TENM2: variants seen among roughly 807,000 people sequenced by gnomAD.
TENM2 encodes teneurin-2.
A neutral mutation model predicts 245.2 loss-of-function variants in TENM2; 52 were observed. The observed-to-expected ratio is 0.21, with a 90% CI of 0.17 to 0.27. The LOEUF is 0.27. Ranked by LOEUF, TENM2 falls within the 10% of genes least tolerant of loss-of-function variation. TENM2 has a pLI of 1.00. For synonymous variants in TENM2, 1,363 were observed against 1,438.9 expected, an observed-to-expected ratio of 0.95 and a Z score of 1.19; for missense variants, 3,046 against 3,666.8, an observed-to-expected ratio of 0.83 and a Z score of 4.37.
intron 2 of TENM2, among the ~76,000 whole-genome samples, chr5:167,539,349 G>A (rs2127601891): frequency 6.6e-6 from 1 of 152,136 alleles, no homozygotes; most frequent in South Asian, 2.1e-4. Context: ...TATTAAGATG[G>A]CATATGGAGG....
chr5:167,955,743 G>T (rs750548397), intron 4 of TENM2, among the ~76,000 whole-genome samples: 13 of 152,120 alleles, frequency 8.5e-5, no homozygotes, highest in Non-Finnish European at 1.6e-4. Flanking sequence ...CCCATTGCTT[G>T]TTTCCATCGG....
Position 168,126,919 on chromosome 5 carries a change from A to G in TENM2, c.2375A>G (p.Asn792Ser), listed in dbSNP as rs771434878. 4.1e-5 allele frequency: 66 copies of G among 1,609,192 alleles called. No homozygotes were observed. The East Asian group carries it at 1.3e-3, about 33-fold the overall frequency. The change falls in exon 12 of 29, where the codon AAT (asparagine) becomes AGT (serine). Residue 792 changes from asparagine (N) to serine (S), a missense_variant. By Grantham distance (46) the Asn-to-Ser change is conservative (BLOSUM62 1). Around this residue, in one of 2 missense-constraint regions of TENM2, gnomAD observed 2,704 missense variants for 3,331.9 expected, o/e 0.81. Transcript: ENST00000518659. ...AAATGTGAATGCCGAGAGGGCTGGA[A>G]TGGTGAACACTGCACCATTGGTAGG...
At chr5:167,008,004 G>C in the TENM2 span, among the ~76,000 whole-genome samples, 1 of 152,148 alleles carries the variant, frequency 6.6e-6, no homozygotes, top group African/African-American at 2.4e-5. Flanking sequence ...CCCACCGTTG[G>C]ATGTTGCTTG....
intron 2 of TENM2, among the ~76,000 whole-genome samples, chr5:167,790,097 C>T (rs1764843173): frequency 6.6e-6 from 1 of 151,874 alleles, no homozygotes; most frequent in Non-Finnish European, 1.5e-5. Context: ...TATTAACAGA[C>T]AAAATAAAAA....
the TENM2 span, among the ~76,000 whole-genome samples, chr5:167,278,686 A>G: frequency 6.6e-6 from 1 of 152,256 alleles, no homozygotes; most frequent in Non-Finnish European, 1.5e-5. Flanking sequence ...TAAAGTGTGG[A>G]AGCCTTCCCT....
the TENM2 span, among the ~76,000 whole-genome samples, chr5:167,144,910 G>A: frequency 6.6e-6 from 1 of 152,210 alleles, no homozygotes; most frequent in Non-Finnish European, 1.5e-5. Context: ...TAAAATCAAA[G>A]TGTTGACGTG....
At chr5:167,353,759 G>A (rs373840457) in intron 1 of TENM2, among the ~76,000 whole-genome samples, 2 of 151,758 alleles carry the variant, frequency 1.3e-5, no homozygotes, top group Non-Finnish European at 2.9e-5. Context: ...CGCCCGCCTC[G>A]GCCTCCCAAA....
At chr5:167,142,555 AAT>A in the TENM2 span, among the ~76,000 whole-genome samples, 3 of 151,528 alleles carry the variant, frequency 2.0e-5, no homozygotes, top group Non-Finnish European at 2.9e-5. Flanking sequence ...ATGCAATCTC[AAT>A]ATATATATAT....
exon 21 of TENM2, chr5:168,215,207 C>G: frequency 6.2e-7 from 1 of 1,613,866 alleles, no homozygotes; most frequent in Non-Finnish European, 8.5e-7. Flanking sequence ...CAGTGTCTAC[C>G]CTTTGATGAA....
At chr5:167,422,643 G>C (rs937853493) in intron 2 of TENM2, among the ~76,000 whole-genome samples, 1 of 152,188 alleles carries the variant, frequency 6.6e-6, no homozygotes, top group African/African-American at 2.4e-5. Context: ...GAGTTAATAA[G>C]ATGCATGCCA....
intron 2 of TENM2, among the ~76,000 whole-genome samples, chr5:167,730,863 A>G (rs920537051): frequency 6.6e-6 from 1 of 152,226 alleles, no homozygotes; most frequent in African/African-American, 2.4e-5. Flanking sequence ...AAATTTATGC[A>G]ACATGAACTG....
the TENM2 span, among the ~76,000 whole-genome samples, chr5:167,053,258 T>TACC: frequency 1.3e-5 from 2 of 152,224 alleles, no homozygotes; most frequent in African/African-American, 2.4e-5. Context: ...ACTTACAAAA[T>TACC]ATGCTCTTTT....
At chr5:167,393,877 A>G (rs2127369307) in intron 2 of TENM2, among the ~76,000 whole-genome samples, 1 of 152,290 alleles carries the variant, frequency 6.6e-6, no homozygotes, top group African/African-American at 2.4e-5. Context: ...TTTTGAAGGT[A>G]AAGGTAGGAG....
intron 4 of TENM2, among the ~76,000 whole-genome samples, chr5:167,958,524 A>G (rs1321726831): frequency 6.6e-6 from 1 of 152,140 alleles, no homozygotes. Flanking sequence ...TGTCATTATG[A>G]TGCTAGCTGG....
At chr5:168,175,162 C>A (rs559777237) in intron 13 of TENM2, among the ~76,000 whole-genome samples, 4 of 152,310 alleles carry the variant, frequency 2.6e-5, no homozygotes, top group Middle Eastern at 3.4e-3. Context: ...ACAATGATAT[C>A]AACTTCATTG....
At chr5:168,123,464 C>T (rs1795623403) in intron 10 of TENM2, among the ~76,000 whole-genome samples, 1 of 152,196 alleles carries the variant, frequency 6.6e-6, no homozygotes, top group Admixed American at 6.5e-5. Flanking sequence ...AGAAGTCTTA[C>T]ATATTTCAAT....
chr5:167,365,187 G>A (rs891829852), intron 1 of TENM2, among the ~76,000 whole-genome samples: 7 of 152,048 alleles, frequency 4.6e-5, no homozygotes, highest in African/African-American at 1.7e-4. Flanking sequence ...ACACTTCTAA[G>A]TAACCTGTGG....
chr5:168,215,321 C>T (rs1763095497), intron 21 of TENM2, 49 bp downstream of exon 23: 2 of 1,511,470 alleles, frequency 1.3e-6, no homozygotes, highest in Admixed American at 1.7e-5. Context: ...AGCTTTGCCA[C>T]CAGCTTGGCT....
chr5:168,146,237 T>C (rs913584088), intron 12 of TENM2, among the ~76,000 whole-genome samples: 2 of 152,104 alleles, frequency 1.3e-5, no homozygotes, highest in Non-Finnish European at 2.9e-5. Context: ...ATATAAAACG[T>C]GCACATATGA....
Sources: gnomAD v4.1 joint callset for allele counts (sites outside exome capture counted in the v4.1 genomes callset) on GRCh38, gnomAD v4.1.1 for gene constraint, gnomAD v4.1.1 regional missense constraint, MANE v1.5 for transcripts, NCBI Gene and HGNC (gene_info 2026-07-23, HGNC 2026-07-21) for gene names.